The following SMOC1 variants were observed in gnomAD, a reference collection of about 807,000 sequenced individuals.
SMOC1 encodes the protein SPARC related modular calcium binding 1, also known as SPARC-related modular calcium-binding protein 1.
SMOC1 carries 22 observed loss-of-function variants against 56.3 expected under a neutral mutation model. The ratio of observed to expected loss-of-function variants is 0.39; its 90% confidence interval spans 0.28 to 0.56. The LOEUF is 0.56. Among genes scored for constraint, SMOC1 ranks in the 20% least tolerant of loss-of-function variants. The pLI is 0.61. For missense variants in SMOC1, 509 were observed against 565.4 expected (o/e 0.90, Z 1.01); for synonymous variants, 193 against 215.0 (o/e 0.90, Z 0.89).
intron 1 of SMOC1, among the ~76,000 whole-genome samples, chr14:69,913,011 G>A (rs187120341): frequency 6.6e-6 from 1 of 152,302 alleles, no homozygotes; most frequent in Non-Finnish European, 1.5e-5. Flanking sequence ...AAAGTGGGAG[G>A]AACGATGGCT....
intron 10 of SMOC1, among the ~76,000 whole-genome samples, chr14:70,021,786 T>C (rs1345931576): frequency 6.6e-6 from 1 of 152,092 alleles, no homozygotes; most frequent in Non-Finnish European, 1.5e-5. Flanking sequence ...AGGAGGGAGT[T>C]TGCTGGCTTG....
intron 7 of SMOC1, among the ~76,000 whole-genome samples, chr14:70,006,730 C>T (rs1283466276): frequency 2.0e-5 from 3 of 152,216 alleles, no homozygotes; most frequent in Non-Finnish European, 4.4e-5. Context: ...GGAGGATCAG[C>T]TGGGCTGGAA....
chr14:70,002,780 C>T lies in SMOC1; in HGVS notation c.665-7974C>T, dbSNP rs1242550250. On this transcript the variant is annotated intron_variant, in intron 7 of 11. Transcript: ENST00000361956. ...AAAAATAACCTGTTCACATAGTTGG[C>T]TTGAAACCATAGGTGCTAAAACCCC... 2.6e-5 allele frequency among the ~76,000 whole-genome samples: 4 copies of T among 152,200 alleles called. No individual in the cohort carries two copies. In the East Asian group the frequency reaches 7.7e-4, roughly 29 times the overall value.
At chr14:69,989,737 C>G (rs1341458808) in intron 5 of SMOC1, among the ~76,000 whole-genome samples, 7 of 152,306 alleles carry the variant, frequency 4.6e-5, no homozygotes, top group East Asian at 3.9e-4. Context: ...TGTTCTCTCC[C>G]CAGTGCCCAG....
chr14:69,989,501 G>A (rs1261181941), intron 5 of SMOC1, among the ~76,000 whole-genome samples: 1 of 152,208 alleles, frequency 6.6e-6, no homozygotes, highest in Non-Finnish European at 1.5e-5. Flanking sequence ...TGCACTCATG[G>A]AATTATAGAT....
intron 1 of SMOC1, among the ~76,000 whole-genome samples, chr14:69,891,220 T>C (rs2139302652): frequency 6.6e-6 from 1 of 152,334 alleles, no homozygotes; most frequent in South Asian, 2.1e-4. Flanking sequence ...ATGAATGCTG[T>C]GTGGAGCTCA....
chr14:69,910,696 G>A (rs1389347596), intron 1 of SMOC1, among the ~76,000 whole-genome samples: 1 of 151,986 alleles, frequency 6.6e-6, no homozygotes, highest in Non-Finnish European at 1.5e-5. Flanking sequence ...AGGGTCAAGA[G>A]AGACAGACTG....
At chr14:69,903,035 G>A (rs1336107943) in intron 1 of SMOC1, among the ~76,000 whole-genome samples, 2 of 152,130 alleles carry the variant, frequency 1.3e-5, no homozygotes, top group South Asian at 2.1e-4. Flanking sequence ...CTGCCCAGCC[G>A]CCACCCCGTC....
At chr14:69,905,767 G>A (rs76060433) in intron 1 of SMOC1, among the ~76,000 whole-genome samples, 2,028 of 152,276 alleles carry the variant, frequency 0.013, 35 homozygotes, top group African/African-American at 0.047. Flanking sequence ...AATCAAAGAT[G>A]CCTACTTGTT....
At chr14:69,996,827 G>A (rs1171688344) in intron 7 of SMOC1, among the ~76,000 whole-genome samples, 1 of 152,176 alleles carries the variant, frequency 6.6e-6, no homozygotes, top group African/African-American at 2.4e-5. Flanking sequence ...TGGTAATATT[G>A]ACTGAATGCC....
At chr14:69,958,190 G>A (rs1373820319) in intron 3 of SMOC1, among the ~76,000 whole-genome samples, 3 of 152,150 alleles carry the variant, frequency 2.0e-5, no homozygotes, top group Non-Finnish European at 4.4e-5. Flanking sequence ...GAGTCCAGGA[G>A]TTCAAGGCTA....
Position 69,925,263 on chromosome 14 carries a change from G to A in SMOC1, c.100-26875G>A, listed in dbSNP as rs1170300264. Among the ~76,000 whole-genome samples, 34 of 144,418 alleles carry A rather than the reference G, an allele frequency of 2.4e-4. 1 individual carries two copies. Among genetic ancestry groups the A allele is most frequent in the Non-Finnish European group, 4.6e-4 (30 of 65,584 alleles). 94.7% of individuals were successfully genotyped at this position (144,418 alleles called of 152,430 possible). A position where few individuals can be genotyped will look rare whatever the true frequency, so the allele number is the denominator to read the frequency against. On this transcript the variant is annotated intron_variant, in intron 1 of 11. Coordinates refer to ENST00000361956, the MANE Select transcript of SMOC1 (RefSeq NM_001034852.3). Reference sequence around the variant, plus strand: ...GAAGCAGGGGAGGAGGGGAGGTAGGGGAGGAAAAGAGGTAGGGGAGCTAGG... The same window carrying A: ...GAAGCAGGGGAGGAGGGGAGGTAGGAGAGGAAAAGAGGTAGGGGAGCTAGG...
At chr14:69,932,794 G>A (rs1239622375) in intron 1 of SMOC1, among the ~76,000 whole-genome samples, 2 of 152,148 alleles carry the variant, frequency 1.3e-5, no homozygotes, top group Non-Finnish European at 2.9e-5. Context: ...TGGGCGGGGG[G>A]TGCAGAGCAA....
At chr14:70,008,669 C>T (rs569644473) in intron 7 of SMOC1, among the ~76,000 whole-genome samples, 1 of 152,220 alleles carries the variant, frequency 6.6e-6, no homozygotes, top group East Asian at 1.9e-4. Context: ...CTCTTTGCCT[C>T]TTGCTTTCGG....
intron 2 of SMOC1, among the ~76,000 whole-genome samples, chr14:69,953,093 C>T (rs1328453988): frequency 6.6e-6 from 1 of 152,150 alleles, no homozygotes; most frequent in Non-Finnish European, 1.5e-5. Context: ...TGGTTGAGCC[C>T]CTGTTAGGCT....
intron 7 of SMOC1, among the ~76,000 whole-genome samples, chr14:69,998,478 T>C (rs1348441998): frequency 6.6e-6 from 1 of 152,096 alleles, no homozygotes; most frequent in Non-Finnish European, 1.5e-5. Context: ...TTTCTTAATA[T>C]ACCTAGTGTT....
At chr14:70,002,260 A>G (rs561144762) in intron 7 of SMOC1, among the ~76,000 whole-genome samples, 2 of 152,236 alleles carry the variant, frequency 1.3e-5, no homozygotes, top group African/African-American at 4.8e-5. Context: ...TTTGCTGCCT[A>G]TTCTGTGGGG....
At chr14:69,943,562 A>T (rs1006931704) in intron 1 of SMOC1, among the ~76,000 whole-genome samples, 5 of 152,216 alleles carry the variant, frequency 3.3e-5, no homozygotes, top group Non-Finnish European at 5.9e-5. Flanking sequence ...ATGGTGAAGG[A>T]CGTGGTGAGA....
At chr14:70,030,101 G>T in intron 11 of SMOC1, 141 bp from the exon 12 acceptor site, 1 of 1,256,230 alleles carries the variant, frequency 8.0e-7, no homozygotes, top group Non-Finnish European at 1.1e-6. Flanking sequence ...GCCTCATAGA[G>T]GACAGCAGGT....
Sources: gnomAD v4.1 joint callset for allele counts (sites outside exome capture counted in the v4.1 genomes callset) on GRCh38, gnomAD v4.1.1 for gene constraint, MANE v1.5 for transcripts, NCBI Gene and HGNC (gene_info 2026-07-23, HGNC 2026-07-21) for gene names.